The following MACROD2 variants were observed in gnomAD, a reference collection of about 807,000 sequenced individuals.
MACROD2 encodes the protein mono-ADP ribosylhydrolase 2, also known as ADP-ribose glycohydrolase MACROD2.
In MACROD2, 36 loss-of-function variants were observed where a neutral mutation model predicts 70.4. The ratio of observed to expected loss-of-function variants is 0.51; its 90% confidence interval spans 0.39 to 0.68. The LOEUF (loss-of-function observed/expected upper bound fraction) is 0.68, where lower values mean the gene tolerates loss of function less well. Among genes scored for constraint, MACROD2 ranks in the 30% least tolerant of loss-of-function variants. The pLI is 0.00. For synonymous variants in MACROD2, 172 were observed against 178.8 expected (o/e 0.96, Z 0.30); for missense variants, 496 against 538.4 (o/e 0.92, Z 0.78).
At chr20:15,715,208 C>T (rs2050690892) in intron 8 of MACROD2, among the ~76,000 whole-genome samples, 1 of 151,340 alleles carries the variant, frequency 6.6e-6, no homozygotes, top group African/African-American at 2.4e-5. Context: ...TTTGGATTAT[C>T]TTCATTTTTT....
intron 3 of MACROD2, among the ~76,000 whole-genome samples, chr20:14,146,304 G>A (rs961112384): frequency 1.3e-5 from 2 of 152,212 alleles, no homozygotes; most frequent in Admixed American, 6.5e-5. Flanking sequence ...GGGCGACAGA[G>A]CGAGACCTCC....
intron 6 of MACROD2, among the ~76,000 whole-genome samples, chr20:15,356,613 G>T (rs952756501): frequency 1.6e-4 from 24 of 152,032 alleles, no homozygotes; most frequent in African/African-American, 5.8e-4. Flanking sequence ...GCTAAACTCT[G>T]TCTCTACTGA....
intron 4 of MACROD2, among the ~76,000 whole-genome samples, chr20:14,500,158 A>G (rs1471449462): frequency 6.6e-6 from 1 of 152,184 alleles, no homozygotes; most frequent in African/African-American, 2.4e-5. Flanking sequence ...CCATCTCCTC[A>G]CTGTTCTGCC....
chr20:14,517,824 A>G (rs2085119684), intron 4 of MACROD2, among the ~76,000 whole-genome samples: 1 of 152,176 alleles, frequency 6.6e-6, no homozygotes, highest in African/African-American at 2.4e-5. Context: ...TTCATGATGT[A>G]TTCTATCCTT....
chr20:14,706,271 G>A (rs1033893288), intron 5 of MACROD2, among the ~76,000 whole-genome samples: 3 of 150,996 alleles, frequency 2.0e-5, no homozygotes, highest in African/African-American at 4.9e-5. Flanking sequence ...CAGAGATGAT[G>A]CCACTGCACT....
rs1033184514 is a variant in MACROD2, at chr20:13,995,691, C to T, written c.-73C>T. 7.0e-6 allele frequency: 9 copies of T among 1,280,772 alleles called. No homozygotes were observed. The highest frequency in any genetic ancestry group is 2.4e-5 in the East Asian group (1 of 42,448). 79.3% of individuals were successfully genotyped at this position (1,280,772 alleles called of 1,614,324 possible). A position where few individuals can be genotyped will look rare whatever the true frequency, so the allele number is the denominator to read the frequency against. Reference sequence around the variant, plus strand: ...GCTGAGTGCCCCCTCCCACCCCTCCCACTCCACACACACCCTGTTTGCCCG... The same window carrying T: ...GCTGAGTGCCCCCTCCCACCCCTCCTACTCCACACACACCCTGTTTGCCCG... On this transcript the variant is annotated 5_prime_UTR_variant, in exon 1 of 18. Transcript: ENST00000684519. The surrounding 1 kb of genome is among the most constrained non-coding windows in gnomAD (Gnocchi z 4.3).
intron 3 of MACROD2, among the ~76,000 whole-genome samples, chr20:14,201,216 TGTTTC>T (rs1430279532): frequency 1.3e-5 from 2 of 152,178 alleles, no homozygotes; most frequent in East Asian, 3.8e-4. Flanking sequence ...AGTAGAAAAA[TGTTTC>T]AAGTTACATT....
At chr20:15,037,737 A>G (rs548886841) in intron 5 of MACROD2, among the ~76,000 whole-genome samples, 189 of 151,602 alleles carry the variant, frequency 1.2e-3, no homozygotes, top group African/African-American at 4.3e-3. Context: ...TTTTAGTTTT[A>G]CCATGTATTA....
intron 6 of MACROD2, among the ~76,000 whole-genome samples, chr20:15,307,855 G>A (rs2077713170): frequency 6.6e-6 from 1 of 151,960 alleles, no homozygotes; most frequent in Non-Finnish European, 1.5e-5. Flanking sequence ...ACGTATGTTT[G>A]TCTTTTGTGA....
intron 8 of MACROD2, among the ~76,000 whole-genome samples, chr20:15,774,181 G>C (rs759816276): frequency 6.6e-5 from 10 of 152,066 alleles, no homozygotes; most frequent in Non-Finnish European, 1.2e-4. Context: ...TTTTGGTTTT[G>C]GGGAGTTTTA....
At chr20:14,352,049 A>G (rs1029214725) in intron 3 of MACROD2, among the ~76,000 whole-genome samples, 7 of 152,174 alleles carry the variant, frequency 4.6e-5, no homozygotes, top group African/African-American at 1.7e-4. Flanking sequence ...CATATGTTGA[A>G]CCATCCTTAC....
At chr20:15,650,336 C>A (rs1012174539) in intron 8 of MACROD2, among the ~76,000 whole-genome samples, 27 of 152,320 alleles carry the variant, frequency 1.8e-4, no homozygotes, top group African/African-American at 5.8e-4. Flanking sequence ...GAGCAGGACA[C>A]CCCTCTGCTT....
chr20:14,466,097 G>T (rs2084443989), intron 3 of MACROD2, among the ~76,000 whole-genome samples: 1 of 152,230 alleles, frequency 6.6e-6, no homozygotes, highest in Admixed American at 6.5e-5. Context: ...CTAGATTGGG[G>T]AAGTTCTCCT....
chr20:14,611,653 C>T (rs1225710883), intron 4 of MACROD2, among the ~76,000 whole-genome samples: 1 of 151,988 alleles, frequency 6.6e-6, no homozygotes, highest in African/African-American at 2.4e-5. Context: ...CCTGGGTCCA[C>T]CCATGGATTA....
chr20:14,445,042 A>G (rs2084168371), intron 3 of MACROD2, among the ~76,000 whole-genome samples: 3 of 152,084 alleles, frequency 2.0e-5, no homozygotes, highest in Admixed American at 2.0e-4. Context: ...ACAGCAGCCA[A>G]TGTGGTCTTG....
chr20:14,265,724 T>C (rs967107665), intron 3 of MACROD2, among the ~76,000 whole-genome samples: 8 of 152,048 alleles, frequency 5.3e-5, no homozygotes, highest in South Asian at 2.1e-4. Context: ...TTGTGCTTAT[T>C]TTCCTTAAGT....
chr20:15,166,801 A>G (rs537265351), intron 5 of MACROD2, among the ~76,000 whole-genome samples: 17 of 151,764 alleles, frequency 1.1e-4, no homozygotes, highest in African/African-American at 4.1e-4. Flanking sequence ...TGTGGGTCTT[A>G]GCTAGCAAAT....
chr20:14,135,028 A>G (rs2054776156), intron 3 of MACROD2, among the ~76,000 whole-genome samples: 1 of 152,138 alleles, frequency 6.6e-6, no homozygotes, highest in African/African-American at 2.4e-5. Context: ...TCAGGGTTTC[A>G]TATAACTTTT....
intron 3 of MACROD2, among the ~76,000 whole-genome samples, chr20:14,160,626 A>G (rs1037527316): frequency 2.6e-5 from 4 of 151,970 alleles, no homozygotes; most frequent in Non-Finnish European, 5.9e-5. Flanking sequence ...CTGTGTTAGT[A>G]TAGCAAGTAG....
Sources: allele counts gnomAD v4.1 joint callset (sites outside exome capture counted in the v4.1 genomes callset), GRCh38; gene constraint gnomAD v4.1.1; non-coding constraint Gnocchi (gnomAD v3.1); transcripts MANE v1.5; gene names NCBI Gene and HGNC (gene_info 2026-07-23, HGNC 2026-07-21).